The following DTWD2 variants were observed in gnomAD, a reference collection of about 807,000 sequenced individuals.
The protein encoded by DTWD2 is tRNA-uridine aminocarboxypropyltransferase 2.
A neutral mutation model predicts 31.8 loss-of-function variants in DTWD2; 39 were observed. That is an observed-to-expected ratio of 1.22 (90% CI 0.95 to 1.60). The LOEUF (loss-of-function observed/expected upper bound fraction) is 1.60. Among genes scored for constraint, DTWD2 ranks in the 40% most tolerant of loss-of-function variants. The pLI, the probability that DTWD2 is intolerant of heterozygous loss-of-function variation, is 0.00. For synonymous variants in DTWD2, 180 were observed against 142.8 expected (o/e 1.26, Z -1.86); for missense variants, 515 against 381.5 (o/e 1.35, Z -2.92).
At chr5:118,950,283 T>G in intron 1 of DTWD2, among the ~76,000 whole-genome samples, 1 of 151,530 alleles carries the variant, frequency 6.6e-6, no homozygotes, top group East Asian at 1.9e-4. Context: ...TTTAAGAGGT[T>G]TAGAAGCCTG....
intron 4 of DTWD2, among the ~76,000 whole-genome samples, chr5:118,891,160 G>C (rs1446439153): frequency 6.6e-6 from 1 of 151,038 alleles, no homozygotes; most frequent in Non-Finnish European, 1.5e-5. Context: ...TTTGTATTTA[G>C]GTTGTTTTCA....
rs751477435 is a variant in DTWD2 at position 118,928,716 on chromosome 5, A to G, written c.418T>C (p.Ser140Pro). The change falls in exon 4 of 6, where the codon TCA (serine) becomes CCA (proline). Residue 140 changes from serine (S) to proline (P), a missense_variant. Coordinates refer to ENST00000510708, the MANE Select transcript of DTWD2 (RefSeq NM_173666.4). ...RFSEERDPEL[S>P]TVCRKSGTLI... ...GTACCAGACTTCCGGCAAACAGTTG[A>G]AAGTTCAGGATCTCTGAAAAAGTTT... 1.3e-6 allele frequency: 2 copies of G among 1,572,458 alleles called. No individual in the cohort carries two copies.
At chr5:118,974,540 A>G (rs1244377808) in intron 1 of DTWD2, 1 of 483,278 alleles carries the variant, frequency 2.1e-6, no homozygotes, top group Non-Finnish European at 4.1e-6. Context: ...ATCTCAAAGG[A>G]GAAAAAAAAC....
chr5:118,856,919 C>T (rs916000518), intron 4 of DTWD2, among the ~76,000 whole-genome samples: 3 of 151,564 alleles, frequency 2.0e-5, no homozygotes, highest in African/African-American at 7.3e-5. Flanking sequence ...ATTACAGGTA[C>T]CTGCCACCAC....
chr5:118,982,039 A>G (rs1293667770), intron 1 of DTWD2, among the ~76,000 whole-genome samples: 3 of 152,210 alleles, frequency 2.0e-5, no homozygotes, highest in African/African-American at 7.2e-5. Flanking sequence ...ATCTGACCTA[A>G]AGAGTCTATA....
intron 4 of DTWD2, among the ~76,000 whole-genome samples, chr5:118,891,521 A>G (rs1752976990): frequency 6.6e-6 from 1 of 152,124 alleles, no homozygotes; most frequent in African/African-American, 2.4e-5. Context: ...CTCACAGCCT[A>G]CTCTCAATTG....
chr5:118,906,158 T>C (rs1006289265), intron 4 of DTWD2, among the ~76,000 whole-genome samples: 2 of 152,166 alleles, frequency 1.3e-5, no homozygotes, highest in Non-Finnish European at 2.9e-5. Context: ...CCTACTCAAC[T>C]ATTAGAATAG....
At chr5:118,901,260 G>A (rs1432744772) in intron 4 of DTWD2, among the ~76,000 whole-genome samples, 1 of 152,098 alleles carries the variant, frequency 6.6e-6, no homozygotes, top group African/African-American at 2.4e-5. Context: ...AGTAAAAAAG[G>A]GGAGGGGAGA....
chr5:118,908,039 T>A (rs950407173), intron 4 of DTWD2, among the ~76,000 whole-genome samples: 4 of 152,304 alleles, frequency 2.6e-5, no homozygotes, highest in African/African-American at 9.6e-5. Context: ...CCATATAAAC[T>A]TGCCTTGAAG....
chr5:118,916,311 T>C (rs115127904), intron 4 of DTWD2, among the ~76,000 whole-genome samples: 1,839 of 152,320 alleles, frequency 0.012, 35 homozygotes, highest in African/African-American at 0.042. Context: ...TTTGTTGTTA[T>C]TTAGTGGCAG....
rs534612570 is a variant in DTWD2 at position 118,940,836 on chromosome 5, C to T, written c.310-1546G>A. The stretch of plus-strand genomic sequence containing the variant: ...AAATGAGGATTTAGCTTTCTAATAC[C>T]ACTCCTTCCTCTCACATCTAATATT... On this transcript the variant is annotated intron_variant, in intron 2 of 5. Coordinates refer to ENST00000510708, the MANE Select transcript of DTWD2 (RefSeq NM_173666.4). Among the ~76,000 whole-genome samples the T allele has an allele frequency of 5.3e-4, 80 of 152,146 alleles. 1 individual carries two copies. In the South Asian group the frequency reaches 0.017, roughly 32 times the overall value.
Position 118,959,629 on chromosome 5 carries a change from A to T in DTWD2, c.219-14980T>A, listed in dbSNP as rs557564181. Among the ~76,000 whole-genome samples, 6 of 152,358 alleles carry T rather than the reference A, an allele frequency of 3.9e-5. No individual in the cohort carries two copies. In the South Asian group the frequency reaches 1.0e-3, roughly 26 times the overall value. On this transcript the variant is annotated intron_variant, in intron 1 of 5. Coordinates refer to ENST00000510708, the MANE Select transcript of DTWD2 (RefSeq NM_173666.4). ...TTCTAAAATTCATATGGAACCAAAAAAGAGCCCAAATAACAATTGCAATTC... is the reference window on the plus strand; with the variant it reads ...TTCTAAAATTCATATGGAACCAAAATAGAGCCCAAATAACAATTGCAATTC...
intron 4 of DTWD2, among the ~76,000 whole-genome samples, chr5:118,899,788 C>T (rs1224102516): frequency 4.7e-5 from 7 of 149,410 alleles, no homozygotes; most frequent in Admixed American, 3.3e-4. Flanking sequence ...ATAAGTCATA[C>T]TTCGTTTTTT....
At chr5:118,904,731 G>A (rs1753288777) in intron 4 of DTWD2, among the ~76,000 whole-genome samples, 1 of 152,076 alleles carries the variant, frequency 6.6e-6, no homozygotes, top group Non-Finnish European at 1.5e-5. Flanking sequence ...AACAAGAACT[G>A]ATAACATGTG....
At chr5:118,934,272 TAAAAAAAAAAAA>T (rs397999089) in intron 3 of DTWD2, among the ~76,000 whole-genome samples, 23 of 23,554 alleles carry the variant, frequency 9.8e-4, no homozygotes, top group South Asian at 4.8e-3. Context: ...TTGTCTCCAT[TAAAAAAAAAAAA>T]AAAAAAAAAA....
intron 4 of DTWD2, among the ~76,000 whole-genome samples, chr5:118,917,303 A>G (rs557411698): frequency 6.6e-6 from 1 of 152,364 alleles, no homozygotes; most frequent in Admixed American, 6.5e-5. Flanking sequence ...CAAAAAGAGT[A>G]GCTCTAACAG....
intron 1 of DTWD2, 84 bp downstream of exon 1, chr5:118,988,210 C>G: frequency 6.6e-7 from 1 of 1,504,630 alleles, no homozygotes; most frequent in South Asian, 1.2e-5. Context: ...GCTGCCCGAG[C>G]CGCCGACTCC....
chr5:118,942,727 C>T (rs1227714556), intron 2 of DTWD2, among the ~76,000 whole-genome samples: 1 of 152,014 alleles, frequency 6.6e-6, no homozygotes, highest in Admixed American at 6.6e-5. Flanking sequence ...TATCTGGAAC[C>T]ACACAATAAT....
intron 1 of DTWD2, among the ~76,000 whole-genome samples, chr5:118,982,580 T>G (rs1414467539): frequency 6.6e-6 from 1 of 152,042 alleles, no homozygotes; most frequent in Non-Finnish European, 1.5e-5. Flanking sequence ...CTCTTGAGAA[T>G]ATATCTTTGA....
Sources: allele counts gnomAD v4.1 joint callset (sites outside exome capture counted in the v4.1 genomes callset), GRCh38; gene constraint gnomAD v4.1.1; transcripts MANE v1.5; gene names NCBI Gene and HGNC (gene_info 2026-07-23, HGNC 2026-07-21).